HNRNPC: variants seen among roughly 807,000 people sequenced by gnomAD.
The protein encoded by HNRNPC is heterogeneous nuclear ribonucleoprotein C, also known as heterogeneous nuclear ribonucleoproteins C1/C2.
A neutral mutation model predicts 33.2 loss-of-function variants in HNRNPC; 3 were observed. That is an observed-to-expected ratio of 0.09 (90% CI 0.04 to 0.23). The LOEUF is 0.23. Among genes scored for constraint, HNRNPC ranks in the 10% least tolerant of loss-of-function variants. The pLI, the probability that HNRNPC is intolerant of heterozygous loss-of-function variation, is 1.00. For missense variants in HNRNPC, 143 were observed against 366.7 expected (o/e 0.39, Z 4.98); for synonymous variants, 121 against 126.7 (o/e 0.96, Z 0.30).
intron 1 of HNRNPC, among the ~76,000 whole-genome samples, chr14:21,265,715 G>T (rs11156907): frequency 0.34 from 52,411 of 152,080 alleles, 9,203 homozygotes; most frequent in Admixed American, 0.39. Flanking sequence ...GAGGCAGAGG[G>T]TGCAGTGAGC....
At chr14:21,268,167 T>C (rs1364547858) in intron 1 of HNRNPC, among the ~76,000 whole-genome samples, 1 of 152,184 alleles carries the variant, frequency 6.6e-6, no homozygotes, top group Non-Finnish European at 1.5e-5. Flanking sequence ...ACTAAAGATC[T>C]AAACAATTTT....
chr14:21,250,122 G>A (rs756171477), intron 2 of HNRNPC, among the ~76,000 whole-genome samples: 2 of 151,890 alleles, frequency 1.3e-5, no homozygotes, highest in African/African-American at 2.4e-5. Context: ...AGGTGGTGGC[G>A]CACACCTGTA....
intron 5 of HNRNPC, among the ~76,000 whole-genome samples, chr14:21,220,237 G>GT (rs1566601145): frequency 8.7e-5 from 11 of 127,058 alleles, no homozygotes; most frequent in African/African-American, 2.5e-4. Flanking sequence ...ATCTATTTCT[G>GT]GTTTTTTTTT....
intron 1 of HNRNPC, among the ~76,000 whole-genome samples, chr14:21,266,964 G>A (rs1038265690): frequency 5.3e-5 from 8 of 151,852 alleles, no homozygotes; most frequent in African/African-American, 1.4e-4. Flanking sequence ...GGTGGCACAC[G>A]CCTGTAATCC....
At chr14:21,249,076 G>A (rs1896322946) in intron 2 of HNRNPC, among the ~76,000 whole-genome samples, 1 of 152,142 alleles carries the variant, frequency 6.6e-6, no homozygotes, top group Non-Finnish European at 1.5e-5. Flanking sequence ...ATGGGGTTTT[G>A]AGTTTTTTAA....
chr14:21,254,808 A>C (rs763128742), intron 2 of HNRNPC, among the ~76,000 whole-genome samples: 2 of 152,006 alleles, frequency 1.3e-5, no homozygotes, highest in Non-Finnish European at 2.9e-5. Context: ...CGGGAAGCTG[A>C]GGCAGGAGAA....
intron 5 of HNRNPC, among the ~76,000 whole-genome samples, chr14:21,216,150 A>C (rs1447500283): frequency 1.3e-5 from 2 of 151,112 alleles, no homozygotes; most frequent in Non-Finnish European, 3.0e-5. Context: ...AAGACAAAGA[A>C]TGTCTACCCC....
At chr14:21,244,031 G>GA (rs1555357002) in intron 2 of HNRNPC, among the ~76,000 whole-genome samples, 42 of 146,388 alleles carry the variant, frequency 2.9e-4, no homozygotes, top group African/African-American at 9.7e-4. Context: ...TTTCCTCCAA[G>GA]TTTTTTTTTT....
chr14:21,258,788 A>G (rs947374711), intron 2 of HNRNPC, among the ~76,000 whole-genome samples: 4 of 152,186 alleles, frequency 2.6e-5, no homozygotes, highest in African/African-American at 4.8e-5. Flanking sequence ...TCTTACTCAG[A>G]CTGATTTTGC....
At chr14:21,241,118 T>A (rs535854876) in intron 2 of HNRNPC, among the ~76,000 whole-genome samples, 1 of 151,668 alleles carries the variant, frequency 6.6e-6, no homozygotes, top group African/African-American at 2.4e-5. Flanking sequence ...AAGACAAAAA[T>A]TGGTGGTGGC....
intron 5 of HNRNPC, among the ~76,000 whole-genome samples, chr14:21,219,912 A>G (rs1892635226): frequency 6.6e-6 from 1 of 152,210 alleles, no homozygotes; most frequent in Non-Finnish European, 1.5e-5. Flanking sequence ...TGTCCAGACA[A>G]AAACGCTGGC....
intron 5 of HNRNPC, among the ~76,000 whole-genome samples, chr14:21,220,813 G>C (rs1892745249): frequency 6.8e-6 from 1 of 147,616 alleles, no homozygotes; most frequent in African/African-American, 2.5e-5. Context: ...AATTCTATCT[G>C]TTTTCAAGGT....
intron 5 of HNRNPC, among the ~76,000 whole-genome samples, chr14:21,214,692 A>G (rs574864587): frequency 1.6e-3 from 249 of 152,356 alleles, no homozygotes; most frequent in Non-Finnish European, 2.6e-3. Flanking sequence ...ACTTTTTATT[A>G]TCACTACTTT....
intron 1 of HNRNPC, among the ~76,000 whole-genome samples, chr14:21,267,095 CAAAAAAAAAAA>C (rs56203257): frequency 9.6e-5 from 10 of 104,112 alleles, no homozygotes; most frequent in East Asian, 6.2e-4. Flanking sequence ...GACTCCGTCT[CAAAAAAAAAAA>C]AAAAAAAAAA....
chr14:21,257,144 C>T (rs1475434073), intron 2 of HNRNPC, among the ~76,000 whole-genome samples: 1 of 152,148 alleles, frequency 6.6e-6, no homozygotes, highest in Non-Finnish European at 1.5e-5. Flanking sequence ...GGATATTCAA[C>T]AGAGTTGTCA....
In HNRNPC at chr14:21,249,593, CAAAAAAAAAAAAA is replaced by C. The variant is rs756880620; in HGVS notation, c.-37+13705_-37+13717del. On this transcript the variant is annotated intron_variant, in intron 2 of 8. Transcript: ENST00000553300. ...AAGAGCGAAAACTGTGTCTCAAAAACAAAAAAAAAAAAAAAAAAAAAAGAATCAATGAATTGGG... is the reference window on the plus strand; with the variant it reads ...AAGAGCGAAAACTGTGTCTCAAAAACAAAAAAAAAGAATCAATGAATTGGG... 1.1e-4 allele frequency among the ~76,000 whole-genome samples: 9 copies of C among 83,456 alleles called. No homozygotes were observed. In the South Asian group the frequency reaches 2.9e-3, roughly 26 times the overall value. 54.8% of individuals were successfully genotyped at this position (83,456 alleles called of 152,430 possible). A position where few individuals can be genotyped will look rare whatever the true frequency, so the allele number is the denominator to read the frequency against.
intron 2 of HNRNPC, among the ~76,000 whole-genome samples, chr14:21,246,325 C>T (rs985095587): frequency 3.3e-5 from 5 of 151,958 alleles, no homozygotes; most frequent in Non-Finnish European, 5.9e-5. Context: ...TTTGGAAGGC[C>T]GAGGCTGGTG....
At chr14:21,239,611 C>A (rs908405876) in intron 2 of HNRNPC, among the ~76,000 whole-genome samples, 1 of 152,098 alleles carries the variant, frequency 6.6e-6, no homozygotes, top group Non-Finnish European at 1.5e-5. Flanking sequence ...CGGTGGCTCA[C>A]ACCTGTAATC....
At position 21,251,253 on chromosome 14, in the gene HNRNPC, T is replaced by G. The variant is rs539678425; in HGVS notation, c.-37+12058A>C. ...TCCAGCCTGGACAACAGAGCAAGAC[T>G]CCCTCTCAAAAAAAAAAAAAAAAAA... On this transcript the variant is annotated intron_variant, in intron 2 of 8. Transcript: ENST00000553300. 9.2e-3 allele frequency among the ~76,000 whole-genome samples: 394 copies of G among 42,694 alleles called. 1 individual carries two copies. The highest frequency in any genetic ancestry group is 0.038 in the African/African-American group (373 of 9,814). The allele number at this position is 42,694 out of a possible 152,430, so 28.0% of individuals were successfully genotyped here. A position where few individuals can be genotyped will look rare whatever the true frequency, so the allele number is the denominator to read the frequency against.
Sources: allele counts gnomAD v4.1 joint callset (sites outside exome capture counted in the v4.1 genomes callset), GRCh38; gene constraint gnomAD v4.1.1; transcripts MANE v1.5; gene names NCBI Gene and HGNC (gene_info 2026-07-23, HGNC 2026-07-21).